The following LRP1 variants were observed in gnomAD, a reference collection of about 807,000 sequenced individuals.
LRP1 encodes the protein LDL receptor related protein 1.
Under a neutral mutation model 541.5 loss-of-function variants are expected in LRP1, and 51 were observed. The observed-to-expected ratio is 0.09, with a 90% CI of 0.08 to 0.12. The LOEUF is 0.12. LRP1 is among the 10% of genes least tolerant of loss of function. The pLI, the probability that LRP1 is intolerant of heterozygous loss-of-function variation, is 1.00. For missense variants in LRP1, 3,878 were observed against 6,376.2 expected (o/e 0.61, Z 13.34); for synonymous variants, 2,219 against 2,470.8 (o/e 0.90, Z 3.02).
chr12:57,204,965 T>C lies in LRP1; in HGVS notation c.11195-144T>C. On this transcript the variant is annotated intron_variant, in intron 72 of 88. Coordinates refer to ENST00000243077, the MANE Select transcript of LRP1 (RefSeq NM_002332.3). This position sits in a 1 kb window ranked among gnomAD's most constrained non-coding sequence, Gnocchi z 5.3. ...TGCCTGATGCCTTAGGTCTTGGAGG[T>C]GGGGCTGGGAACCCAAATGTTTGAC... 1 of 1,366,718 alleles carries C rather than the reference T, an allele frequency of 7.3e-7. No homozygotes were observed. Among genetic ancestry groups the C allele is most frequent in the Admixed American group, 2.4e-5 (1 of 42,004 alleles). The allele number at this position is 1,366,718 out of a possible 1,614,324, so 84.7% of individuals were successfully genotyped here.
At chr12:57,151,339 C>T (rs929526997) in intron 6 of LRP1, among the ~76,000 whole-genome samples, 5 of 152,164 alleles carry the variant, frequency 3.3e-5, no homozygotes, top group East Asian at 1.9e-4. Context: ...TGTGGTCTCT[C>T]GTCTGACTCC....
intron 1 of LRP1, 57 bp from the exon 2 acceptor site, chr12:57,138,402 G>A (rs1296713201): frequency 1.3e-6 from 2 of 1,596,892 alleles, no homozygotes; most frequent in Non-Finnish European, 1.7e-6. Flanking sequence ...GGGACTTTGG[G>A]TTCACAGAGT....
At chr12:57,139,435 G>A (rs533298631) in intron 2 of LRP1, among the ~76,000 whole-genome samples, 1 of 152,224 alleles carries the variant, frequency 6.6e-6, no homozygotes, top group South Asian at 2.1e-4. Context: ...GGGGTATTCA[G>A]CAAGTATATC....
Position 57,184,836 on chromosome 12 carries a change from T to C in LRP1, c.6187-3T>C. On this transcript the variant is annotated splice_region_variant and splice_polypyrimidine_tract_variant and intron_variant, in intron 38 of 88. Transcript: ENST00000243077. This position sits in a 1 kb window ranked among gnomAD's most constrained non-coding sequence, Gnocchi z 7.8. Reference sequence around the variant, plus strand: ...AGGTGAGGTGGGTGCCTCTGGCCTGTAGGATGGGAAGCTGTACTGGTGCGA... The same window carrying C: ...AGGTGAGGTGGGTGCCTCTGGCCTGCAGGATGGGAAGCTGTACTGGTGCGA... The C allele has an allele frequency of 6.2e-7, 1 of 1,610,428 alleles. No homozygotes were observed. Among genetic ancestry groups the C allele is most frequent in the South Asian group, 1.1e-5 (1 of 90,938 alleles).
chr12:57,193,384 C>A, intron 46 of LRP1, 80 bp downstream of exon 46: 1 of 1,566,068 alleles, frequency 6.4e-7, no homozygotes, highest in Non-Finnish European at 8.7e-7. Flanking sequence ...CAGGATGGAG[C>A]AGGATCAGGA....
chr12:57,129,351 C>T (rs2034989303), intron 1 of LRP1, among the ~76,000 whole-genome samples: 1 of 152,138 alleles, frequency 6.6e-6, no homozygotes, highest in South Asian at 2.1e-4. Flanking sequence ...GGGCCTCCGC[C>T]TCCCCTACAT....
Position 57,190,982 on chromosome 12 carries a change from G to A in LRP1, c.7209G>A (p.Arg2403=). ...FSDATLDKIE[R]CEYDGSHRYV... is the part of the protein sequence containing the mutation. The stretch of plus-strand genomic sequence containing the variant: ...ACGCCACCCTGGACAAGATCGAGCG[G>A]TGCGAGTATGACGGCTCCCACCGCT... The change falls in exon 43 of 89, where the codon CGG becomes CGA. Residue 2403 remains arginine (R), a synonymous_variant. Transcript: ENST00000243077. 1.9e-6 allele frequency: 3 copies of A among 1,611,914 alleles called. No individual in the cohort carries two copies. The South Asian group carries it at 3.3e-5, about 18-fold the overall frequency.
chr12:57,167,317 C>A, intron 18 of LRP1, 127 bp from the exon 19 acceptor site: 1 of 733,248 alleles, frequency 1.4e-6, no homozygotes. Flanking sequence ...TGCTGCGGGG[C>A]CTTCCCCACC....
At position 57,210,164 on chromosome 12, in the gene LRP1, C is replaced by A. The variant is rs762485864; in HGVS notation, c.12575C>A (p.Pro4192Gln). 20 of 1,597,350 alleles carry A rather than the reference C, an allele frequency of 1.3e-5. No individual in the cohort carries two copies. In the East Asian group the frequency reaches 1.3e-4, roughly 11 times the overall value. ...CVPVPSPTPP[P>Q]DAPRPGTCNL... ...CCTGTGCCCTCTCCAACGCCCCCCC[C>A]AGATGGTATGCTTATGCCCTCCCAG... Residue 4192 changes from proline (P) to glutamine (Q), a missense_variant, in exon 81 of 89, where the codon CCA becomes CAA. Physicochemically the swap from Pro to Gln is moderately conservative, Grantham distance 76. Coordinates refer to ENST00000243077, the MANE Select transcript of LRP1 (RefSeq NM_002332.3).
Position 57,205,743 on chromosome 12 carries a change from C to T in LRP1, c.11590+66C>T, listed in dbSNP as rs751913667. ...GGGCGACCAGGATATCAAACGGGGCCGACTTGGAATGGAATGTCTTCCTGC... is the reference window on the plus strand; with the variant it reads ...GGGCGACCAGGATATCAAACGGGGCTGACTTGGAATGGAATGTCTTCCTGC... On this transcript the variant is annotated intron_variant, in intron 75 of 88. Transcript: ENST00000243077. The surrounding 1 kb of genome is among the most constrained non-coding windows in gnomAD (Gnocchi z 4.6). The T allele has an allele frequency of 2.8e-5, 44 of 1,586,370 alleles. No individual in the cohort carries two copies. Among genetic ancestry groups the T allele is most frequent in the Non-Finnish European group, 3.7e-5 (43 of 1,171,384 alleles).
chr12:57,152,342 C>T (rs553435836), intron 6 of LRP1, among the ~76,000 whole-genome samples: 1 of 152,140 alleles, frequency 6.6e-6, no homozygotes, highest in African/African-American at 2.4e-5. Context: ...AAACAGCTTT[C>T]ACTGATGAAG....
Position 57,154,888 on chromosome 12 carries a change from G to A in LRP1, c.1227+187G>A. 1 of 629,308 alleles carries A rather than the reference G, an allele frequency of 1.6e-6. No homozygotes were observed. Among genetic ancestry groups the A allele is most frequent in the Non-Finnish European group, 2.8e-6 (1 of 351,172 alleles). 39.0% of individuals were successfully genotyped at this position (629,308 alleles called of 1,614,324 possible). On this transcript the variant is annotated intron_variant, in intron 8 of 88. Coordinates refer to ENST00000243077, the MANE Select transcript of LRP1 (RefSeq NM_002332.3). This position sits in a 1 kb window ranked among gnomAD's most constrained non-coding sequence, Gnocchi z 4.6. ...GAAAGGACAAGATACGGGTTCCACT[G>A]TGATGGGAACAGTCATTTTAGAAAC...
intron 20 of LRP1, among the ~76,000 whole-genome samples, chr12:57,171,521 A>C (rs2035943995): frequency 6.6e-6 from 1 of 152,288 alleles, no homozygotes; most frequent in African/African-American, 2.4e-5. Flanking sequence ...CAAAGGGGGC[A>C]GATGATGACA....
chr12:57,193,069 T>G, intron 45 of LRP1, 99 bp downstream of exon 45: 1 of 1,585,964 alleles, frequency 6.3e-7, no homozygotes, highest in Non-Finnish European at 8.6e-7. Flanking sequence ...CCCCAAAGCC[T>G]TTTGCCAAGA....
At chr12:57,200,912 G>C (rs1298983667) in intron 64 of LRP1, 97 bp downstream of exon 64, 1 of 1,515,104 alleles carries the variant, frequency 6.6e-7, no homozygotes, top group Non-Finnish European at 9.0e-7. Context: ...GCCCACGGCA[G>C]CTTGCTCTCC....
rs777724096 is a variant in LRP1 at position 57,183,350 on chromosome 12, C to G, written c.5663-29C>G. 3 of 1,588,648 alleles carry G rather than the reference C, an allele frequency of 1.9e-6. No homozygotes were observed. The highest frequency in any genetic ancestry group is 2.6e-6 in the Non-Finnish European group (3 of 1,160,526). ...CAAGTTTAAGGGAGTGTTGGCGATA[C>G]CCATGCCTTAAGTTTCCTTGTCTTT... On this transcript the variant is annotated intron_variant, in intron 34 of 88. Transcript: ENST00000243077. The surrounding 1 kb of genome is among the most constrained non-coding windows in gnomAD (Gnocchi z 6.1).
chr12:57,167,399 G>T, intron 18 of LRP1, 45 bp from the exon 19 acceptor site: 2 of 1,359,920 alleles, frequency 1.5e-6, no homozygotes, highest in Non-Finnish European at 2.1e-6. Flanking sequence ...CTGTGATGCT[G>T]TGTAATCGTG....
Position 57,177,704 on chromosome 12 carries a change from A to C in LRP1, c.4361+113A>C. ...AGGACCAAGGGATCTAGAACTAGGA[A>C]CGGTGGCAAAGGACTGGGCACAGGA... On this transcript the variant is annotated intron_variant, in intron 26 of 88. Coordinates refer to ENST00000243077, the MANE Select transcript of LRP1 (RefSeq NM_002332.3). This position sits in a 1 kb window ranked among gnomAD's most constrained non-coding sequence, Gnocchi z 6.8. 7.8e-7 allele frequency: 1 copy of C among 1,279,300 alleles called. No homozygotes were observed. The highest frequency in any genetic ancestry group is 1.1e-6 in the Non-Finnish European group (1 of 923,016). 79.2% of individuals were successfully genotyped at this position (1,279,300 alleles called of 1,614,324 possible).
chr12:57,195,470 C>T (rs1424496971), intron 52 of LRP1, 71 bp downstream of exon 52: 36 of 1,586,938 alleles, frequency 2.3e-5, no homozygotes, highest in Non-Finnish European at 2.7e-5. Context: ...ATGGGGAAGC[C>T]GGGGTGCAGG....
Sources: gnomAD v4.1 joint callset for allele counts (sites outside exome capture counted in the v4.1 genomes callset) on GRCh38, gnomAD v4.1.1 for gene constraint, Gnocchi (gnomAD v3.1) non-coding constraint, MANE v1.5 for transcripts, NCBI Gene and HGNC (gene_info 2026-07-23, HGNC 2026-07-21) for gene names.